The following CFAP44 variants were observed in gnomAD, a reference collection of about 807,000 sequenced individuals.
The protein encoded by CFAP44 is cilia and flagella associated protein 44.
Under a neutral mutation model 216.2 loss-of-function variants are expected in CFAP44, and 134 were observed. The ratio of observed to expected loss-of-function variants is 0.62; its 90% CI spans 0.54 to 0.72. The LOEUF (loss-of-function observed/expected upper bound fraction) is 0.72. Among genes scored for constraint, CFAP44 ranks in the 30% least tolerant of loss-of-function variants. CFAP44 has a pLI of 0.00. For synonymous variants in CFAP44, 700 were observed against 727.6 expected (o/e 0.96, Z 0.61); for missense variants, 2,035 against 2,182.1 (o/e 0.93, Z 1.34).
intron 21 of CFAP44, 99 bp downstream of exon 21, chr3:113,363,046 G>GA (rs1258140784): frequency 1.4e-6 from 2 of 1,400,482 alleles, no homozygotes; most frequent in Admixed American, 6.4e-5. Flanking sequence ...AAACAAAAAA[G>GA]AAAGATGATT....
intron 5 of CFAP44, chr3:113,417,322 G>A (rs2107387872): frequency 6.6e-6 from 1 of 152,250 alleles, no homozygotes; most frequent in Admixed American, 6.5e-5. Context: ...AGACACAGAG[G>A]AAAATACAGT....
At chr3:113,319,081 G>T (rs114003689) in intron 28 of CFAP44, among the ~76,000 whole-genome samples, 21 of 151,920 alleles carry the variant, frequency 1.4e-4, no homozygotes, top group Non-Finnish European at 2.4e-4. Context: ...AAAATCACAC[G>T]TATCAATACT....
chr3:113,334,862 T>C (rs1026876559), intron 24 of CFAP44, among the ~76,000 whole-genome samples: 1 of 152,232 alleles, frequency 6.6e-6, no homozygotes. Flanking sequence ...GGCCCTTCAT[T>C]GGGAGATCAC....
Position 113,333,535 on chromosome 3 carries a change from T to C in CFAP44, c.3486A>G (p.Gln1162=). The change falls in exon 25 of 35, where the codon CAA becomes CAG. Residue 1162 remains glutamine, a synonymous_variant. Transcript: ENST00000393845. ...GDDYEDPKDL[Q]AIKEAQVYMG... ...TATACACCTGGGCTTCTTTGATGGC[T>C]TGAAGATCTTTGGGATCTTCATAGT... 6.5e-7 allele frequency: 1 copy of C among 1,537,036 alleles called. No individual in the cohort carries two copies. Among genetic ancestry groups the C allele is most frequent in the Non-Finnish European group, 8.7e-7 (1 of 1,146,838 alleles).
At position 113,426,242 on chromosome 3, in the gene CFAP44, C is replaced by T; in HGVS notation, c.289G>A (p.Ala97Thr). 1 of 1,614,114 alleles carries T rather than the reference C, an allele frequency of 6.2e-7. No homozygotes were observed. Among genetic ancestry groups the T allele is most frequent in the Non-Finnish European group, 8.5e-7 (1 of 1,179,978 alleles). Residue 97 changes from alanine to threonine, a missense_variant, in exon 4 of 35, where the codon GCA becomes ACA. Transcript: ENST00000393845. ...QQTPAPAVEE[A>T]EEEVKKKISE... Reference sequence around the variant, plus strand: ...ATTTTCTTCTTAACTTCCTCCTCTGCTTCTTCCACAGCTGGAGCAGGGGTT... The same window carrying T: ...ATTTTCTTCTTAACTTCCTCCTCTGTTTCTTCCACAGCTGGAGCAGGGGTT...
At chr3:113,392,005 T>C (rs1344201208) in intron 15 of CFAP44, among the ~76,000 whole-genome samples, 1 of 152,004 alleles carries the variant, frequency 6.6e-6, no homozygotes, top group Non-Finnish European at 1.5e-5. Flanking sequence ...AAACTAAAAA[T>C]GGAGCTAACA....
At chr3:113,363,590 A>C (rs1950561829) in intron 19 of CFAP44, 58 bp from the exon 20 acceptor site, 5 of 1,409,498 alleles carry the variant, frequency 3.5e-6, no homozygotes, top group Non-Finnish European at 4.8e-6. Flanking sequence ...TTTCCTTAAA[A>C]TATCTAGGAA....
intron 12 of CFAP44, 42 bp from the exon 13 acceptor site, chr3:113,400,042 AATTTTTTT>A (rs1934101043): frequency 4.5e-6 from 6 of 1,344,012 alleles, no homozygotes; most frequent in Non-Finnish European, 6.0e-6. Flanking sequence ...TTATATACAT[AATTTTTTT>A]AAGTCTTGGC....
At chr3:113,347,029 A>C (rs1950391542) in intron 22 of CFAP44, among the ~76,000 whole-genome samples, 1 of 152,216 alleles carries the variant, frequency 6.6e-6, no homozygotes, top group Non-Finnish European at 1.5e-5. Context: ...TTGGCGACCC[A>C]GATGGGACAT....
At position 113,344,660 on chromosome 3, in the gene CFAP44, C is replaced by T. The variant is rs755319151; in HGVS notation, c.3118G>A (p.Asp1040Asn). The T allele has an allele frequency of 6.5e-7, 1 of 1,536,506 alleles. No homozygotes were observed. Residue 1040 changes from aspartate (D) to asparagine (N), a missense_variant, in exon 23 of 35, where the codon GAC (aspartate) becomes AAC (asparagine). Asp to Asn is a conservative substitution (Grantham distance 23, BLOSUM62 1). This residue lies in a region of CFAP44 where 1,883 missense variants were observed against 2,023.7 expected (regional missense o/e 0.93). Coordinates refer to ENST00000393845, the MANE Select transcript of CFAP44 (RefSeq NM_001164496.2). ...AGCCTGTAAGAGGATATCTTGTGGTCACTCAGTATGGCATGAACCACAATA... is the reference window on the plus strand; with the variant it reads ...AGCCTGTAAGAGGATATCTTGTGGTTACTCAGTATGGCATGAACCACAATA... ...DTIVVHAILSDHKISSYRLVQ... is the reference protein window; with the variant it reads ...DTIVVHAILSNHKISSYRLVQ...
chr3:113,321,643 C>A (rs531061601), intron 28 of CFAP44, among the ~76,000 whole-genome samples: 1 of 152,300 alleles, frequency 6.6e-6, no homozygotes, highest in South Asian at 2.1e-4. Context: ...GAGGCTACTA[C>A]AACTGGTAAA....
At chr3:113,435,301 A>G (rs1043747085) in intron 1 of CFAP44, among the ~76,000 whole-genome samples, 1 of 152,190 alleles carries the variant, frequency 6.6e-6, no homozygotes, top group Non-Finnish European at 1.5e-5. Flanking sequence ...AGGCCTCAGG[A>G]CACTTACAAT....
chr3:113,402,407 T>C (rs910209662), intron 9 of CFAP44, among the ~76,000 whole-genome samples: 1 of 152,016 alleles, frequency 6.6e-6, no homozygotes, highest in African/African-American at 2.4e-5. Context: ...TAGAATACTA[T>C]AGGAAGAGTG....
At chr3:113,314,842 CTAGACTGGGATAAATGATGACATTGG>C (rs1231058036) in intron 28 of CFAP44, among the ~76,000 whole-genome samples, 4 of 151,898 alleles carry the variant, frequency 2.6e-5, no homozygotes, top group Non-Finnish European at 4.4e-5. Flanking sequence ...GATGACATTG[CTAGACTGGGATAAATGATGACATTGG>C]TAGACTGGGA....
intron 7 of CFAP44, among the ~76,000 whole-genome samples, chr3:113,408,860 T>C (rs567735324): frequency 3.9e-5 from 5 of 128,510 alleles, no homozygotes; most frequent in Admixed American, 7.7e-5. Flanking sequence ...CGAAACTCCA[T>C]TTCAAAAAAA....
intron 28 of CFAP44, among the ~76,000 whole-genome samples, chr3:113,316,227 T>A (rs1299553365): frequency 6.6e-6 from 1 of 152,202 alleles, no homozygotes; most frequent in Admixed American, 6.5e-5. Flanking sequence ...TCAATAAAAA[T>A]TTTAAAAACT....
chr3:113,330,545 T>C lies in CFAP44; in HGVS notation c.3739A>G (p.Ile1247Val), dbSNP rs1390324255. 4.6e-6 allele frequency: 7 copies of C among 1,537,236 alleles called. No individual in the cohort carries two copies. In the Admixed American group the frequency reaches 5.9e-5, roughly 13 times the overall value. Residue 1247 changes from isoleucine to valine, a missense_variant, in exon 26 of 35, where the codon ATA becomes GTA. This residue lies in a region of CFAP44 where 1,883 missense variants were observed against 2,023.7 expected (regional missense o/e 0.93). Transcript: ENST00000393845. ...TTGGGAATGGGTATGTGCTTGGATA[T>C]GTGAAGAGTCGACTGAATGTTCTTC... The part of the protein sequence containing the change: ...ELKNIQSTLH[I>V]SKHIPIPKIP...
chr3:113,401,171 C>T (rs1934130717), intron 11 of CFAP44, 69 bp downstream of exon 11: 3 of 1,411,446 alleles, frequency 2.1e-6, no homozygotes, highest in Non-Finnish European at 2.9e-6. Flanking sequence ...ATAAAGAATA[C>T]TTTAAAGACA....
chr3:113,417,968 C>T (rs1934693202), intron 5 of CFAP44, among the ~76,000 whole-genome samples: 1 of 152,116 alleles, frequency 6.6e-6, no homozygotes, highest in African/African-American at 2.4e-5. Context: ...GTCTTGTCTA[C>T]AGTAAATTAA....
Sources: allele counts gnomAD v4.1 joint callset (sites outside exome capture counted in the v4.1 genomes callset), GRCh38; gene constraint gnomAD v4.1.1; regional missense constraint gnomAD v4.1.1; transcripts MANE v1.5; gene names NCBI Gene and HGNC (gene_info 2026-07-23, HGNC 2026-07-21).